The following KCNC2 variants were observed in gnomAD, a reference collection of about 807,000 sequenced individuals.
The protein encoded by KCNC2 is voltage-gated potassium channel KCNC2.
A neutral mutation model predicts 44.5 loss-of-function variants in KCNC2; 21 were observed. That is an observed-to-expected ratio of 0.47 (90% CI 0.33 to 0.68). The LOEUF (loss-of-function observed/expected upper bound fraction) is 0.68, where lower values mean the gene tolerates loss of function less well. Ranked by LOEUF, KCNC2 falls within the 30% of genes least tolerant of loss-of-function variation. The pLI, the probability that KCNC2 is intolerant of heterozygous loss-of-function variation, is 0.01. For synonymous variants in KCNC2, 391 were observed against 339.1 expected (o/e 1.15, Z -1.68); for missense variants, 589 against 826.2 (o/e 0.71, Z 3.52).
At chr12:75,060,104 C>G (rs1000058093) in intron 2 of KCNC2, among the ~76,000 whole-genome samples, 1 of 152,242 alleles carries the variant, frequency 6.6e-6, no homozygotes, top group East Asian at 1.9e-4. Flanking sequence ...CGTCAATTTA[C>G]ACTTGCCCAA....
chr12:75,093,412 C>T (rs913166836), intron 2 of KCNC2, among the ~76,000 whole-genome samples: 1 of 151,502 alleles, frequency 6.6e-6, no homozygotes, highest in African/African-American at 2.4e-5. Context: ...AGAGGTCCTG[C>T]AAACCTGATT....
intron 2 of KCNC2, among the ~76,000 whole-genome samples, chr12:75,111,454 A>G (rs569290691): frequency 3.9e-5 from 6 of 152,222 alleles, no homozygotes; most frequent in African/African-American, 1.4e-4. Flanking sequence ...TTGTGTACAC[A>G]TTTCCTGGTG....
At chr12:75,172,509 A>G (rs1383552097) in intron 2 of KCNC2, among the ~76,000 whole-genome samples, 1 of 151,756 alleles carries the variant, frequency 6.6e-6, no homozygotes, top group Non-Finnish European at 1.5e-5. Flanking sequence ...AAAAAAGTAC[A>G]TCCACCTTTG....
intron 2 of KCNC2, among the ~76,000 whole-genome samples, chr12:75,160,931 A>G (rs1217292414): frequency 6.6e-6 from 1 of 151,824 alleles, no homozygotes; most frequent in Non-Finnish European, 1.5e-5. Flanking sequence ...AGCAAATTAG[A>G]CAAAAACAAA....
intron 2 of KCNC2, among the ~76,000 whole-genome samples, chr12:75,092,696 T>C (rs545216673): frequency 6.6e-6 from 1 of 151,738 alleles, no homozygotes; most frequent in South Asian, 2.1e-4. Context: ...TAAAATTTTA[T>C]AGTTAAAAAA....
chr12:75,208,279 G>T (rs1360932372), intron 1 of KCNC2, among the ~76,000 whole-genome samples: 1 of 151,814 alleles, frequency 6.6e-6, no homozygotes, highest in East Asian at 1.9e-4. Flanking sequence ...CTTTCTTTTG[G>T]CTCTGATCTC....
intron 2 of KCNC2, among the ~76,000 whole-genome samples, chr12:75,142,001 A>G (rs1288926569): frequency 6.6e-6 from 1 of 152,160 alleles, no homozygotes; most frequent in Non-Finnish European, 1.5e-5. Flanking sequence ...TAGAGAGGTT[A>G]AGTGACTTGC....
chr12:75,145,064 T>C (rs1427356284), intron 2 of KCNC2, among the ~76,000 whole-genome samples: 1 of 152,214 alleles, frequency 6.6e-6, no homozygotes, highest in African/African-American at 2.4e-5. Flanking sequence ...CTGGAAAAAT[T>C]ACTGAGCCAG....
At chr12:75,167,520 A>G (rs1891539374) in intron 2 of KCNC2, among the ~76,000 whole-genome samples, 1 of 151,422 alleles carries the variant, frequency 6.6e-6, no homozygotes, top group Admixed American at 6.6e-5. Flanking sequence ...TAAACACATC[A>G]TAACAGAGAA....
Position 75,084,039 on chromosome 12 carries a change from G to T in KCNC2, c.688-32722C>A, listed in dbSNP as rs537387306. On this transcript the variant is annotated intron_variant, in intron 2 of 4. Transcript: ENST00000549446. ...AATTAGAATCTTCTGTTTAATTTTT[G>T]ATTTGAGAGCCTTATACTCCTCTTG... 7.2e-5 allele frequency among the ~76,000 whole-genome samples: 11 copies of T among 151,938 alleles called. 1 individual carries two copies. The highest frequency in any genetic ancestry group is 1.9e-4 in the East Asian group (1 of 5,168).
Position 75,209,022 on chromosome 12 carries a change from G to A in KCNC2, c.-20+185C>T, listed in dbSNP as rs1178480759. On this transcript the variant is annotated intron_variant, in intron 1 of 4. Transcript: ENST00000549446. ...AGCTGCTTGGAGGCACACCCCCTGG[G>A]TCCCTGAGCTGAAAGTCTCGCTGAC... Among the ~76,000 whole-genome samples, 3 of 152,144 alleles carry A rather than the reference G, an allele frequency of 2.0e-5. No individual in the cohort carries two copies. In the East Asian group the frequency reaches 5.8e-4, roughly 30 times the overall value.
At chr12:75,116,806 C>T (rs142647756) in intron 2 of KCNC2, among the ~76,000 whole-genome samples, 6 of 152,236 alleles carry the variant, frequency 3.9e-5, no homozygotes, top group Admixed American at 6.5e-5. Context: ...CCTCCTCCCC[C>T]GGGCCAACAC....
intron 2 of KCNC2, among the ~76,000 whole-genome samples, chr12:75,135,735 T>C (rs1332905270): frequency 1.3e-5 from 2 of 152,034 alleles, no homozygotes; most frequent in East Asian, 3.8e-4. Context: ...TTACAATAGA[T>C]TTGATCTCTA....
At position 75,207,173 on chromosome 12, in the gene KCNC2, G is replaced by T. The variant is rs1196527924; in HGVS notation, c.687+124C>A. On this transcript the variant is annotated intron_variant, in intron 2 of 4. Coordinates refer to ENST00000549446, the MANE Select transcript of KCNC2 (RefSeq NM_139137.4). This position sits in a 1 kb window ranked among gnomAD's most constrained non-coding sequence, Gnocchi z 4.1. ...CAAAGGATGAGCCTCTAACTGTATC[G>T]CTAGGAAATCCCGGGTCTCTTCTAC... is the stretch of plus-strand genomic sequence containing the variant. 6.9e-7 allele frequency: 1 copy of T among 1,440,192 alleles called. No individual in the cohort carries two copies. The allele number at this position is 1,440,192 out of a possible 1,614,324, so 89.2% of individuals were successfully genotyped here.
chr12:75,102,351 G>C (rs1886434736), intron 2 of KCNC2, among the ~76,000 whole-genome samples: 1 of 151,812 alleles, frequency 6.6e-6, no homozygotes, highest in African/African-American at 2.4e-5. Context: ...CCATCACTTA[G>C]TATAGCATTT....
At chr12:75,208,180 C>T (rs2031867016) in intron 1 of KCNC2, among the ~76,000 whole-genome samples, 178 bp from the exon 2 acceptor site, 1 of 152,090 alleles carries the variant, frequency 6.6e-6, no homozygotes, top group Non-Finnish European at 1.5e-5. Flanking sequence ...TTGCATCAAA[C>T]CTTTCCCAGG....
At chr12:75,125,774 T>G (rs1295717107) in intron 2 of KCNC2, among the ~76,000 whole-genome samples, 1 of 152,158 alleles carries the variant, frequency 6.6e-6, no homozygotes, top group African/African-American at 2.4e-5. Flanking sequence ...CCTTTTCTTT[T>G]TCATGTGTAC....
chr12:75,157,794 G>C (rs1185577231), intron 2 of KCNC2, among the ~76,000 whole-genome samples: 2 of 151,864 alleles, frequency 1.3e-5, no homozygotes, highest in African/African-American at 4.8e-5. Context: ...CAGCATCTCT[G>C]ATCTAGGAGC....
intron 2 of KCNC2, among the ~76,000 whole-genome samples, chr12:75,103,074 A>G (rs1364396086): frequency 1.3e-5 from 2 of 152,122 alleles, no homozygotes; most frequent in African/African-American, 4.8e-5. Flanking sequence ...GATGAAGACA[A>G]TTTCCAGTTT....
Sources: allele counts gnomAD v4.1 joint callset (sites outside exome capture counted in the v4.1 genomes callset), GRCh38; gene constraint gnomAD v4.1.1; non-coding constraint Gnocchi (gnomAD v3.1); transcripts MANE v1.5; gene names NCBI Gene and HGNC (gene_info 2026-07-23, HGNC 2026-07-21).